Variants in RMDN2 observed in about 807,000 individuals in gnomAD.
RMDN2 encodes the protein regulator of microtubule dynamics 2.
Under a neutral mutation model 52.8 loss-of-function variants are expected in RMDN2, and 61 were observed. The observed-to-expected ratio is 1.16, with a 90% CI of 0.94 to 1.43. RMDN2 has a LOEUF of 1.43. RMDN2 is among the 40% of genes most tolerant of loss of function. The probability of loss-of-function intolerance (pLI) is 0.00; values close to 1 mark genes in which losing one functional copy is unlikely to be tolerated. For missense variants in RMDN2, 592 were observed against 475.3 expected (o/e 1.25, Z -2.28); for synonymous variants, 180 against 153.1 (o/e 1.18, Z -1.30).
Position 37,951,851 on chromosome 2 carries a change from A to G in RMDN2, c.452+22122A>G, listed in dbSNP as rs745377126. The stretch of plus-strand genomic sequence containing the variant: ...ATACAGCCTCCTATCAACAAAGCAC[A>G]TCATCCTTCTTTTCTCTTGCAAGTG... On this transcript the variant is annotated intron_variant, in intron 2 of 10. Coordinates refer to ENST00000354545, the MANE Select transcript of RMDN2 (RefSeq NM_001170791.3). 16 of 1,613,502 alleles carry G rather than the reference A, an allele frequency of 9.9e-6. No individual in the cohort carries two copies. The South Asian group carries it at 1.2e-4, about 12-fold the overall frequency.
At chr2:38,013,349 A>C (rs1306143632) in intron 10 of RMDN2, among the ~76,000 whole-genome samples, 1 of 152,260 alleles carries the variant, frequency 6.6e-6, no homozygotes, top group Non-Finnish European at 1.5e-5. Context: ...CATATTTTAA[A>C]ATTGCTGAAA....
intron 5 of RMDN2, among the ~76,000 whole-genome samples, chr2:37,985,789 A>G (rs776489502): frequency 1.3e-5 from 2 of 152,242 alleles, no homozygotes; most frequent in Non-Finnish European, 2.9e-5. Context: ...AGAAGTAAAT[A>G]TGAAAGGAAG....
chr2:37,998,646 A>G (rs1269270570), intron 8 of RMDN2, among the ~76,000 whole-genome samples: 1 of 152,164 alleles, frequency 6.6e-6, no homozygotes, highest in African/African-American at 2.4e-5. Flanking sequence ...CTCACTTTCT[A>G]TCTCTCACCC....
intron 8 of RMDN2, among the ~76,000 whole-genome samples, chr2:38,002,332 GTAA>G (rs1481347852): frequency 6.6e-6 from 1 of 152,166 alleles, no homozygotes; most frequent in African/African-American, 2.4e-5. Context: ...GTTATTAGTA[GTAA>G]TAATGAAAAC....
At chr2:37,988,106 G>C (rs573930522) in intron 5 of RMDN2, among the ~76,000 whole-genome samples, 1 of 152,170 alleles carries the variant, frequency 6.6e-6, no homozygotes, top group African/African-American at 2.4e-5. Context: ...GCTAGGATAG[G>C]AGATATATGG....
intron 10 of RMDN2, among the ~76,000 whole-genome samples, chr2:38,024,775 A>G (rs1190476767): frequency 6.6e-6 from 1 of 152,168 alleles, no homozygotes; most frequent in Non-Finnish European, 1.5e-5. Flanking sequence ...TTGCCTCCAA[A>G]TCTGCTGAAA....
intron 10 of RMDN2, among the ~76,000 whole-genome samples, chr2:38,043,533 A>G (rs1459389266): frequency 6.6e-6 from 1 of 152,064 alleles, no homozygotes; most frequent in Non-Finnish European, 1.5e-5. Context: ...TTTGTAACTT[A>G]TATATTCATT....
intron 2 of RMDN2, among the ~76,000 whole-genome samples, chr2:37,970,775 C>T (rs568572462): frequency 2.0e-5 from 3 of 152,194 alleles, no homozygotes; most frequent in African/African-American, 7.2e-5. Flanking sequence ...TAAAGAATAA[C>T]ATAAAGATAA....
At chr2:37,945,105 A>G (rs180674720) in intron 2 of RMDN2, among the ~76,000 whole-genome samples, 3 of 152,340 alleles carry the variant, frequency 2.0e-5, no homozygotes, top group East Asian at 1.9e-4. Context: ...GAAACTGACA[A>G]TATAAAGTAG....
chr2:37,940,099 T>C (rs914533720), intron 2 of RMDN2, among the ~76,000 whole-genome samples: 1 of 152,200 alleles, frequency 6.6e-6, no homozygotes, highest in Non-Finnish European at 1.5e-5. Flanking sequence ...TCCCTCAGCA[T>C]TTGCTTGTCT....
chr2:38,065,899 C>G (rs930026492), intron 10 of RMDN2, among the ~76,000 whole-genome samples: 2 of 152,172 alleles, frequency 1.3e-5, no homozygotes, highest in African/African-American at 2.4e-5. Flanking sequence ...AGGATTCCCG[C>G]ACAATGTCAG....
intron 2 of RMDN2, among the ~76,000 whole-genome samples, chr2:37,947,762 A>T (rs1244881093): frequency 1.3e-5 from 2 of 152,196 alleles, no homozygotes; most frequent in African/African-American, 4.8e-5. Flanking sequence ...GTACTTCACG[A>T]TATTTGTTTT....
At chr2:38,034,304 T>C (rs1680426361) in intron 10 of RMDN2, among the ~76,000 whole-genome samples, 1 of 152,226 alleles carries the variant, frequency 6.6e-6, no homozygotes, top group Non-Finnish European at 1.5e-5. Flanking sequence ...AGGCTCACCC[T>C]CTACCACTAT....
chr2:38,046,531 A>C (rs1681281201), intron 10 of RMDN2, among the ~76,000 whole-genome samples: 1 of 152,200 alleles, frequency 6.6e-6, no homozygotes, highest in South Asian at 2.1e-4. Flanking sequence ...AAAAAAAGAT[A>C]AACAAAGAAA....
intron 4 of RMDN2, among the ~76,000 whole-genome samples, chr2:37,978,212 T>G (rs995031625): frequency 3.3e-5 from 5 of 151,002 alleles, no homozygotes; most frequent in African/African-American, 9.7e-5. Context: ...CGCAGGTACT[T>G]GGCAGGCTGA....
At chr2:37,995,155 GT>G (rs1675343020) in intron 7 of RMDN2, among the ~76,000 whole-genome samples, 1 of 152,086 alleles carries the variant, frequency 6.6e-6, no homozygotes, top group Non-Finnish European at 1.5e-5. Context: ...TTATACCTCA[GT>G]AAAGCCAATT....
intron 2 of RMDN2, among the ~76,000 whole-genome samples, chr2:37,940,170 G>C (rs1558445525): frequency 6.6e-6 from 1 of 152,084 alleles, no homozygotes; most frequent in Non-Finnish European, 1.5e-5. Flanking sequence ...TGAAGTTCTG[G>C]GTTGAAAATT....
chr2:37,943,267 G>T (rs146798804), intron 2 of RMDN2, among the ~76,000 whole-genome samples: 21 of 152,168 alleles, frequency 1.4e-4, no homozygotes, highest in Middle Eastern at 3.2e-3. Context: ...GACAAAGGTG[G>T]ATAAGCCTGA....
intron 2 of RMDN2, among the ~76,000 whole-genome samples, chr2:37,967,628 T>G (rs950525850): frequency 6.6e-6 from 1 of 152,214 alleles, no homozygotes; most frequent in Non-Finnish European, 1.5e-5. Flanking sequence ...AAAGCTTTAG[T>G]AGGAAAATTC....
Sources: gnomAD v4.1 joint callset for allele counts (sites outside exome capture counted in the v4.1 genomes callset) on GRCh38, gnomAD v4.1.1 for gene constraint, MANE v1.5 for transcripts, NCBI Gene and HGNC (gene_info 2026-07-23, HGNC 2026-07-21) for gene names.